Variants in NDRG1 observed in about 807,000 individuals in gnomAD.
NDRG1 encodes N-myc downstream regulated 1.
Under a neutral mutation model 56.9 loss-of-function variants are expected in NDRG1, and 32 were observed. That is an observed-to-expected ratio of 0.56 (90% confidence interval 0.42 to 0.76). NDRG1 has a LOEUF of 0.76. NDRG1 is among the 30% of genes least tolerant of loss of function. The pLI is 0.00. For missense variants in NDRG1, 507 were observed against 545.7 expected, an observed-to-expected ratio of 0.93 and a Z score of 0.71; for synonymous variants, 211 against 204.1, an observed-to-expected ratio of 1.03 and a Z score of -0.29.
chr8:133,277,263 T>C (rs1287683888), intron 3 of NDRG1, among the ~76,000 whole-genome samples: 1 of 152,132 alleles, frequency 6.6e-6, no homozygotes, highest in Non-Finnish European at 1.5e-5. Context: ...AGAGTTTCAG[T>C]TCTGCAGGTT....
chr8:133,277,669 G>T (rs748228864), intron 3 of NDRG1, among the ~76,000 whole-genome samples: 9 of 152,344 alleles, frequency 5.9e-5, no homozygotes, highest in Admixed American at 2.0e-4. Context: ...ACATTTAAAA[G>T]TAGTTAAGTT....
At chr8:133,294,046 A>G (rs1858590307) in intron 1 of NDRG1, among the ~76,000 whole-genome samples, 1 of 152,172 alleles carries the variant, frequency 6.6e-6, no homozygotes, top group African/African-American at 2.4e-5. Flanking sequence ...CTCAGGTTAC[A>G]CAGATTAATA....
intron 5 of NDRG1, among the ~76,000 whole-genome samples, chr8:133,260,881 G>GATA (rs1856624996): frequency 6.6e-6 from 1 of 152,134 alleles, no homozygotes; most frequent in Non-Finnish European, 1.5e-5. Flanking sequence ...GGACAAGAGG[G>GATA]GTTATCTCTG....
At chr8:133,276,226 C>A (rs140053069) in intron 3 of NDRG1, among the ~76,000 whole-genome samples, 2 of 152,182 alleles carry the variant, frequency 1.3e-5, no homozygotes, top group Non-Finnish European at 2.9e-5. Flanking sequence ...CCAGCCTGAG[C>A]CACATAGGTT....
At chr8:133,289,556 AG>A (rs1271215000) in intron 1 of NDRG1, among the ~76,000 whole-genome samples, 2 of 152,150 alleles carry the variant, frequency 1.3e-5, no homozygotes, top group Non-Finnish European at 2.9e-5. Flanking sequence ...AGGGCCCAAG[AG>A]GGGCTACACA....
At chr8:133,266,673 T>C (rs1205681220) in intron 3 of NDRG1, among the ~76,000 whole-genome samples, 2 of 152,226 alleles carry the variant, frequency 1.3e-5, no homozygotes, top group African/African-American at 2.4e-5. Context: ...TGCTACTTCT[T>C]ACCCCTGATA....
chr8:133,284,263 C>T lies in NDRG1; in HGVS notation c.49G>A (p.Val17Met), dbSNP rs755787010. 15 of 1,614,180 alleles carry T rather than the reference C, an allele frequency of 9.3e-6. No individual in the cohort carries two copies. Among genetic ancestry groups the T allele is most frequent in the Non-Finnish European group, 6.8e-6 (8 of 1,180,044 alleles). Residue 17 changes from valine to methionine, a missense_variant, in exon 2 of 16, where the codon GTG (valine) becomes ATG (methionine). Transcript: ENST00000323851. Reference sequence around the variant, plus strand: ...TCTCCACTCACCTCCCCTTTCTCCACCAAAGGCTTCACCTCAGCGAGGTCT... The same window carrying T: ...TCTCCACTCACCTCCCCTTTCTCCATCAAAGGCTTCACCTCAGCGAGGTCT... ...DVDLAEVKPL[V>M]EKGETITGLL...
intron 1 of NDRG1, chr8:133,296,688 G>T (rs1047758503): frequency 3.2e-5 from 10 of 312,242 alleles, no homozygotes; most frequent in Non-Finnish European, 5.6e-5. Context: ...TCCGTTCCCA[G>T]ACACAGACAC....
chr8:133,279,749 G>A (rs1466815451), intron 3 of NDRG1, among the ~76,000 whole-genome samples: 1 of 152,228 alleles, frequency 6.6e-6, no homozygotes, highest in Non-Finnish European at 1.5e-5. Flanking sequence ...TCTCCTGAGA[G>A]CCTATTCTTG....
chr8:133,244,455 T>G, intron 13 of NDRG1, 65 bp from the exon 14 acceptor site: 2 of 1,604,208 alleles, frequency 1.2e-6, no homozygotes, highest in Non-Finnish European at 1.7e-6. Context: ...CTCTATGAAT[T>G]TTTTCCGAAA....
Position 133,256,859 on chromosome 8 carries a change from T to G in NDRG1, c.455A>C (p.Asn152Thr), listed in dbSNP as rs771095469. ...AAGGCCCTCCACCATCTCAGGGTTG[T>G]TTAGCTGCAATTCAAGACACAAAGT... ...GAYILTRFAL[N>T]NPEMVEGLVL... The change falls in exon 8 of 16, where the codon AAC (asparagine) becomes ACC (threonine). Residue 152 changes from asparagine (N) to threonine (T), a missense_variant. Asn to Thr is a moderately conservative substitution (Grantham distance 65). Coordinates refer to ENST00000323851, the MANE Select transcript of NDRG1 (RefSeq NM_006096.4). The G allele has an allele frequency of 3.1e-6, 5 of 1,613,916 alleles. No individual in the cohort carries two copies. In the Admixed American group the frequency reaches 8.3e-5, roughly 27 times the overall value.
chr8:133,254,524 G>T lies in NDRG1; in HGVS notation c.594+15C>A, dbSNP rs1856260059. ...CTCAGCAGGAACAACAGATTTGCCAGACCACGCAACTCACCTTCCCAAAAA... is the reference window on the plus strand; with the variant it reads ...CTCAGCAGGAACAACAGATTTGCCATACCACGCAACTCACCTTCCCAAAAA... On this transcript the variant is annotated intron_variant, in intron 9 of 15. Coordinates refer to ENST00000323851, the MANE Select transcript of NDRG1 (RefSeq NM_006096.4). 2 of 1,613,824 alleles carry T rather than the reference G, an allele frequency of 1.2e-6. No individual in the cohort carries two copies. Among genetic ancestry groups the T allele is most frequent in the African/African-American group, 1.3e-5 (1 of 74,920 alleles).
chr8:133,255,422 A>C, intron 8 of NDRG1: 1 of 456,306 alleles, frequency 2.2e-6, no homozygotes, highest in Non-Finnish European at 4.4e-6. Flanking sequence ...AAAGAAGGGA[A>C]TAGTACAGCT....
At chr8:133,264,909 G>C (rs761997106) in intron 3 of NDRG1, 1 of 528,558 alleles carries the variant, frequency 1.9e-6, no homozygotes, top group Non-Finnish European at 3.4e-6. Flanking sequence ...GCTGGGGAAA[G>C]GGCTTGCCCG....
chr8:133,282,899 G>T (rs1049469052), intron 2 of NDRG1, among the ~76,000 whole-genome samples: 1 of 152,202 alleles, frequency 6.6e-6, no homozygotes, highest in Non-Finnish European at 1.5e-5. Context: ...AACTCTAGTT[G>T]TACCAGCTAT....
At chr8:133,270,532 G>A (rs1199911629) in intron 3 of NDRG1, among the ~76,000 whole-genome samples, 1 of 151,934 alleles carries the variant, frequency 6.6e-6, no homozygotes, top group African/African-American at 2.4e-5. Context: ...TAGCTTCAAG[G>A]AGAGTTTTTT....
chr8:133,291,474 G>C (rs1410404466), intron 1 of NDRG1, among the ~76,000 whole-genome samples: 1 of 152,110 alleles, frequency 6.6e-6, no homozygotes, highest in African/African-American at 2.4e-5. Flanking sequence ...GCAGTTCATG[G>C]GCTCTCTTGG....
chr8:133,250,666 C>T, intron 9 of NDRG1, 123 bp from the exon 10 acceptor site: 1 of 848,460 alleles, frequency 1.2e-6, no homozygotes, highest in Non-Finnish European at 2.0e-6. Context: ...ATCCACAAGA[C>T]AGCGACGGAC....
At chr8:133,244,265 G>C (rs529917473) in intron 14 of NDRG1, 90 bp downstream of exon 14, 1 of 1,460,514 alleles carries the variant, frequency 6.8e-7, no homozygotes. Context: ...TCACAGCAAG[G>C]TAATGAGGGA....
Sources: gnomAD v4.1 joint callset for allele counts (sites outside exome capture counted in the v4.1 genomes callset) on GRCh38, gnomAD v4.1.1 for gene constraint, MANE v1.5 for transcripts, NCBI Gene and HGNC (gene_info 2026-07-23, HGNC 2026-07-21) for gene names.